Variants in ERLIN1 observed in about 807,000 individuals in gnomAD.
ERLIN1 encodes the protein ER lipid raft associated 1.
ERLIN1 carries 24 observed loss-of-function variants against 46.9 expected under a neutral mutation model. The ratio of observed to expected loss-of-function variants is 0.51; its 90% CI spans 0.37 to 0.72. The LOEUF is 0.72. ERLIN1 is among the 30% of genes least tolerant of loss of function. The pLI, the probability that ERLIN1 is intolerant of heterozygous loss-of-function variation, is 0.00. For synonymous variants in ERLIN1, 158 were observed against 143.2 expected (o/e 1.10, Z -0.74); for missense variants, 293 against 417.9 (o/e 0.70, Z 2.61).
chr10:100,167,379 G>A lies in ERLIN1; in HGVS notation c.532C>T (p.Pro178Ser). 1.9e-6 allele frequency: 3 copies of A among 1,613,340 alleles called. No individual in the cohort carries two copies. The highest frequency in any genetic ancestry group is 2.5e-6 in the Non-Finnish European group (3 of 1,179,612). The change falls in exon 7 of 11, where the codon CCA (proline) becomes TCA (serine). Residue 178 changes from proline to serine, a missense_variant. Transcript: ENST00000421367. ...QAVRVTKPKIPEAIRRNFELM... is the reference protein window; with the variant it reads ...QAVRVTKPKISEAIRRNFELM... ...TCAAAATTTCTTCTTATGGCTTCTG[G>A]GATTTTGGGTTTTGTAACACGCACA...
intron 8 of ERLIN1, among the ~76,000 whole-genome samples, chr10:100,161,346 A>G (rs552810302): frequency 6.6e-6 from 1 of 152,352 alleles, no homozygotes; most frequent in East Asian, 1.9e-4. Flanking sequence ...AAAAAAGTCA[A>G]TAAAAAAATA....
intron 8 of ERLIN1, among the ~76,000 whole-genome samples, chr10:100,159,247 C>T (rs1333309654): frequency 6.6e-6 from 1 of 151,988 alleles, no homozygotes; most frequent in African/African-American, 2.4e-5. Flanking sequence ...CAATCCTGAA[C>T]CTGAATGTTC....
chr10:100,174,341 C>A (rs1844172965), intron 5 of ERLIN1, 60 bp from the exon 6 acceptor site: 2 of 1,193,672 alleles, frequency 1.7e-6, no homozygotes, highest in East Asian at 5.1e-5. Context: ...ACATTGTATT[C>A]ATAATGAAAC....
intron 1 of ERLIN1, among the ~76,000 whole-genome samples, chr10:100,184,794 T>A (rs998648311): frequency 6.6e-6 from 1 of 152,192 alleles, no homozygotes; most frequent in African/African-American, 2.4e-5. Context: ...AGTAGAAATA[T>A]CAGTTTTGAG....
chr10:100,170,594 T>C (rs993855780), intron 6 of ERLIN1, among the ~76,000 whole-genome samples: 1 of 151,900 alleles, frequency 6.6e-6, no homozygotes, highest in African/African-American at 2.4e-5. Context: ...AAGGTTAGAG[T>C]TGGTAGCTTG....
intron 1 of ERLIN1, 130 bp downstream of exon 1, chr10:100,185,384 A>AC: frequency 1.5e-6 from 1 of 678,258 alleles, no homozygotes. Context: ...GCCCGCTTCG[A>AC]CCCCCGTGCT....
chr10:100,185,650 G>A lies in ERLIN1; in HGVS notation c.-24C>T, dbSNP rs371755403. The A allele has an allele frequency of 2.7e-5, 43 of 1,587,824 alleles. No homozygotes were observed. Among genetic ancestry groups the A allele is most frequent in the Non-Finnish European group, 3.7e-5 (43 of 1,156,206 alleles). On this transcript the variant is annotated 5_prime_UTR_variant, in exon 1 of 11. Transcript: ENST00000421367. Reference sequence around the variant, plus strand: ...ATTCTCGTTCCTCCTGGGAGCGGGAGAAAAGGACCCTCAGTCCCGTGAGTG... The same window carrying A: ...ATTCTCGTTCCTCCTGGGAGCGGGAAAAAAGGACCCTCAGTCCCGTGAGTG...
chr10:100,167,303 G>T, intron 7 of ERLIN1, 45 bp downstream of exon 7: 1 of 1,351,816 alleles, frequency 7.4e-7, no homozygotes, highest in Non-Finnish European at 1.1e-6. Context: ...TTAATATGCA[G>T]ACAGCCCTAA....
intron 2 of ERLIN1, among the ~76,000 whole-genome samples, chr10:100,181,883 G>A (rs2134181198): frequency 6.6e-6 from 1 of 152,274 alleles, no homozygotes; most frequent in Middle Eastern, 3.4e-3. Flanking sequence ...TACACATAAA[G>A]AACATTCCTA....
At chr10:100,162,600 T>G (rs1441795201) in intron 8 of ERLIN1, among the ~76,000 whole-genome samples, 3 of 152,168 alleles carry the variant, frequency 2.0e-5, no homozygotes, top group Non-Finnish European at 4.4e-5. Flanking sequence ...TGTGGAAAAA[T>G]ACCTTACCTT....
In ERLIN1 at chr10:100,152,034, G is replaced by C; in HGVS notation, c.*97C>G. The stretch of plus-strand genomic sequence containing the variant: ...GCAGGAGAGGTGGAACAGATGAAGT[G>C]TAAGTTCTCTGTAAATCTGAAGAGT... On this transcript the variant is annotated 3_prime_UTR_variant, in exon 11 of 11. Coordinates refer to ENST00000421367, the MANE Select transcript of ERLIN1 (RefSeq NM_006459.4). 3.7e-6 allele frequency: 3 copies of C among 804,914 alleles called. No homozygotes were observed. In the East Asian group the frequency reaches 7.8e-5, roughly 21 times the overall value. 49.9% of individuals were successfully genotyped at this position (804,914 alleles called of 1,614,324 possible).
At chr10:100,167,680 G>T (rs1162576675) in intron 6 of ERLIN1, among the ~76,000 whole-genome samples, 1 of 152,140 alleles carries the variant, frequency 6.6e-6, no homozygotes, top group East Asian at 1.9e-4. Context: ...TATGAAAAAG[G>T]TTCTCACTTA....
chr10:100,164,165 C>A, intron 7 of ERLIN1, 70 bp from the exon 8 acceptor site: 1 of 1,007,500 alleles, frequency 9.9e-7, no homozygotes, highest in Non-Finnish European at 1.5e-6. Context: ...TAATTCTGAC[C>A]CTACAGTGAG....
chr10:100,179,330 G>A, intron 2 of ERLIN1, 83 bp from the exon 3 acceptor site: 1 of 895,232 alleles, frequency 1.1e-6, no homozygotes. Flanking sequence ...TCTCTGGAAA[G>A]CTGCTGACAG....
chr10:100,182,366 T>G (rs966212568), intron 2 of ERLIN1, among the ~76,000 whole-genome samples: 3 of 152,120 alleles, frequency 2.0e-5, no homozygotes, highest in Non-Finnish European at 4.4e-5. Flanking sequence ...ATGCTGCCAT[T>G]GCTAACATTA....
At chr10:100,172,794 C>T (rs2134154654) in intron 6 of ERLIN1, among the ~76,000 whole-genome samples, 1 of 152,172 alleles carries the variant, frequency 6.6e-6, no homozygotes, top group East Asian at 1.9e-4. Flanking sequence ...ATGTTCATTA[C>T]ACTATTGTTT....
At chr10:100,176,506 T>C (rs1210533748) in intron 4 of ERLIN1, among the ~76,000 whole-genome samples, 1 of 152,108 alleles carries the variant, frequency 6.6e-6, no homozygotes, top group Non-Finnish European at 1.5e-5. Context: ...AAAGAGAGAC[T>C]AGGCAAACTG....
chr10:100,173,670 C>T (rs1844132139), intron 6 of ERLIN1, among the ~76,000 whole-genome samples: 1 of 152,156 alleles, frequency 6.6e-6, no homozygotes, highest in Non-Finnish European at 1.5e-5. Flanking sequence ...ACTTGAAATA[C>T]CTTTCTCATT....
chr10:100,178,090 T>G, intron 4 of ERLIN1, 43 bp downstream of exon 4: 2 of 1,234,822 alleles, frequency 1.6e-6, no homozygotes, highest in Non-Finnish European at 1.2e-6. Flanking sequence ...CTATAAATCC[T>G]CTGGCTATAA....
Sources: allele counts gnomAD v4.1 joint callset (sites outside exome capture counted in the v4.1 genomes callset), GRCh38; gene constraint gnomAD v4.1.1; transcripts MANE v1.5; gene names NCBI Gene and HGNC (gene_info 2026-07-23, HGNC 2026-07-21).